KIF1B: variants seen among roughly 807,000 people sequenced by gnomAD.
KIF1B encodes kinesin family member 1B, also known as kinesin-like protein KIF1B.
A neutral mutation model predicts 241.9 loss-of-function variants in KIF1B; 76 were observed. That is an observed-to-expected ratio of 0.31 (90% CI 0.26 to 0.38). The LOEUF (loss-of-function observed/expected upper bound fraction) is 0.38. KIF1B is among the 10% of genes least tolerant of loss of function. The pLI is 1.00. For synonymous variants in KIF1B, 750 were observed against 796.7 expected (o/e 0.94, Z 0.99); for missense variants, 1,622 against 2,271.4 (o/e 0.71, Z 5.81).
At chr1:10,313,704 C>T (rs1557707963) in intron 22 of KIF1B, among the ~76,000 whole-genome samples, 1 of 150,436 alleles carries the variant, frequency 6.6e-6, no homozygotes, top group Non-Finnish European at 1.5e-5. Context: ...GTGCCCACCA[C>T]CACACCCGGC....
chr1:10,323,817 G>A (rs929655907), intron 24 of KIF1B, 67 bp from the exon 25 acceptor site: 4 of 1,301,430 alleles, frequency 3.1e-6, no homozygotes, highest in East Asian at 2.3e-5. Context: ...GGGTATGATT[G>A]TATCGTCTCA....
At chr1:10,362,165 G>C (rs757150534) in intron 40 of KIF1B, among the ~76,000 whole-genome samples, 7 of 152,022 alleles carry the variant, frequency 4.6e-5, no homozygotes, top group Non-Finnish European at 8.8e-5. Flanking sequence ...CATATTTAAG[G>C]CATACAAAAT....
At chr1:10,340,015 C>G (rs1018783115) in intron 32 of KIF1B, among the ~76,000 whole-genome samples, 156 bp downstream of exon 32, 1 of 152,112 alleles carries the variant, frequency 6.6e-6, no homozygotes, top group African/African-American at 2.4e-5. Context: ...TCATCCACAG[C>G]GGCCTGAGCA....
At chr1:10,304,810 C>T in intron 22 of KIF1B, 1 of 1,480,920 alleles carries the variant, frequency 6.8e-7, no homozygotes, top group Non-Finnish European at 8.9e-7. Flanking sequence ...GTTTCAACAC[C>T]TCCCTTTTGC....
At chr1:10,260,154 A>G (rs1442198421) in intron 4 of KIF1B, among the ~76,000 whole-genome samples, 1 of 152,200 alleles carries the variant, frequency 6.6e-6, no homozygotes, top group African/African-American at 2.4e-5. Flanking sequence ...ACTGCGTTGT[A>G]TAGCCTGTTG....
At chr1:10,368,714 G>A (rs545704328) in intron 44 of KIF1B, among the ~76,000 whole-genome samples, 176 bp downstream of exon 44, 2 of 152,214 alleles carry the variant, frequency 1.3e-5, no homozygotes, top group African/African-American at 2.4e-5. Flanking sequence ...TTCAGAGTCC[G>A]AACACTGACT....
chr1:10,233,921 C>T (rs1647015172), intron 2 of KIF1B, among the ~76,000 whole-genome samples: 1 of 151,938 alleles, frequency 6.6e-6, no homozygotes, highest in South Asian at 2.1e-4. Context: ...GGATTACAGG[C>T]GTGAACCACC....
chr1:10,239,500 G>C (rs1454454475), intron 2 of KIF1B, among the ~76,000 whole-genome samples: 1 of 150,918 alleles, frequency 6.6e-6, no homozygotes, highest in Non-Finnish European at 1.5e-5. Flanking sequence ...TAGTTTTGTT[G>C]GTTTTTTTAA....
intron 9 of KIF1B, chr1:10,272,533 C>G (rs1195096033): frequency 1.3e-5 from 8 of 604,192 alleles, no homozygotes; most frequent in African/African-American, 1.9e-5. Context: ...TCTGTAAAAA[C>G]TAGAGCAAAC....
chr1:10,372,277 G>A (rs540105540), intron 45 of KIF1B, among the ~76,000 whole-genome samples: 1 of 152,160 alleles, frequency 6.6e-6, no homozygotes, highest in East Asian at 1.9e-4. Context: ...GCTCATACCT[G>A]TAATCCCAGC....
At chr1:10,292,018 G>A in intron 16 of KIF1B, 29 bp from the exon 17 acceptor site, 2 of 1,583,570 alleles carry the variant, frequency 1.3e-6, no homozygotes, top group Non-Finnish European at 1.7e-6. Flanking sequence ...TTTGGTATTA[G>A]TGTTCTGATA....
chr1:10,258,972 T>C (rs1003775390), intron 4 of KIF1B, among the ~76,000 whole-genome samples: 4 of 152,250 alleles, frequency 2.6e-5, no homozygotes, highest in Non-Finnish European at 5.9e-5. Context: ...AGCTCTGTTC[T>C]AAGTCCTGGA....
chr1:10,321,662 A>T, intron 23 of KIF1B, 47 bp from the exon 24 acceptor site: 1 of 1,595,522 alleles, frequency 6.3e-7, no homozygotes, highest in Non-Finnish European at 8.6e-7. Flanking sequence ...TGTAATTTTT[A>T]TATAGTTGTA....
At chr1:10,367,069 T>A (rs1638597041) in intron 43 of KIF1B, among the ~76,000 whole-genome samples, 1 of 152,064 alleles carries the variant, frequency 6.6e-6, no homozygotes, top group Non-Finnish European at 1.5e-5. Context: ...ATTACAGTAA[T>A]CTGATGAGAA....
At chr1:10,348,770 C>A (rs1652682069) in intron 37 of KIF1B, 37 bp downstream of exon 37, 3 of 1,515,508 alleles carry the variant, frequency 2.0e-6, no homozygotes, top group Non-Finnish European at 2.7e-6. Context: ...AGAACCAGGA[C>A]TTACAGAGAT....
chr1:10,234,850 T>C (rs542778372), intron 2 of KIF1B, among the ~76,000 whole-genome samples: 145 of 151,858 alleles, frequency 9.5e-4, no homozygotes, highest in African/African-American at 3.1e-3. Flanking sequence ...AAGTTTATGG[T>C]TGGAGAGACT....
chr1:10,315,338 C>A (rs1289545576), intron 22 of KIF1B, among the ~76,000 whole-genome samples: 6 of 150,944 alleles, frequency 4.0e-5, no homozygotes. Flanking sequence ...CTATCATGCC[C>A]AGCTAATTTT....
chr1:10,350,634 C>T (rs942238045), intron 37 of KIF1B, among the ~76,000 whole-genome samples: 6 of 152,166 alleles, frequency 3.9e-5, no homozygotes, highest in Admixed American at 1.3e-4. Flanking sequence ...GACAGAGTCA[C>T]GGGTACTGGC....
chr1:10,364,407 G>T (rs1466167647), intron 41 of KIF1B, among the ~76,000 whole-genome samples: 1 of 151,830 alleles, frequency 6.6e-6, no homozygotes, highest in Non-Finnish European at 1.5e-5. Context: ...GTTTCACTAT[G>T]TTGGCCAGGC....
Sources: gnomAD v4.1 joint callset for allele counts (sites outside exome capture counted in the v4.1 genomes callset) on GRCh38, gnomAD v4.1.1 for gene constraint, MANE v1.5 for transcripts, NCBI Gene and HGNC (gene_info 2026-07-23, HGNC 2026-07-21) for gene names.